The following FGFRL1 variants were observed in gnomAD, a reference collection of about 807,000 sequenced individuals.
FGFRL1 encodes the protein fibroblast growth factor receptor like 1, also known as fibroblast growth factor receptor-like 1.
Under a neutral mutation model 36.8 loss-of-function variants are expected in FGFRL1, and 24 were observed. That is an observed-to-expected ratio of 0.65 (90% CI 0.47 to 0.92). The LOEUF is 0.92. Ranked by LOEUF, FGFRL1 falls within the 40% of genes least tolerant of loss-of-function variation. The pLI is 0.00. For synonymous variants in FGFRL1, 422 were observed against 344.1 expected, an observed-to-expected ratio of 1.23 and a Z score of -2.50; for missense variants, 785 against 753.4, an observed-to-expected ratio of 1.04 and a Z score of -0.49.
intron 2 of FGFRL1, among the ~76,000 whole-genome samples, chr4:1,015,930 C>T (rs1278631634): frequency 6.6e-6 from 1 of 152,254 alleles, no homozygotes. Context: ...CAGTACCATG[C>T]ACCAGGGTGC....
At position 1,025,458 on chromosome 4, in the gene FGFRL1, C is replaced by T. The variant is rs1716467930; in HGVS notation, c.*111C>T. ...GGGGACCCATGGCGAGGAGGAATGGCCAGCACCCCAGGCAGTCTGTGTGTG... is the reference window on the plus strand; with the variant it reads ...GGGGACCCATGGCGAGGAGGAATGGTCAGCACCCCAGGCAGTCTGTGTGTG... On this transcript the variant is annotated 3_prime_UTR_variant, in exon 7 of 7. Transcript: ENST00000510644. 3 of 1,307,666 alleles carry T rather than the reference C, an allele frequency of 2.3e-6. No individual in the cohort carries two copies. In the East Asian group the frequency reaches 7.6e-5, roughly 33 times the overall value. The allele number at this position is 1,307,666 out of a possible 1,614,324, so 81.0% of individuals were successfully genotyped here.
chr4:1,022,020 T>C (rs1048454779), intron 2 of FGFRL1, among the ~76,000 whole-genome samples, 183 bp from the exon 3 acceptor site: 1 of 152,164 alleles, frequency 6.6e-6, no homozygotes, highest in Non-Finnish European at 1.5e-5. Flanking sequence ...CTTTGGTGCA[T>C]GTGGGCAGCT....
At position 1,012,481 on chromosome 4, in the gene FGFRL1, C is replaced by T. The variant is rs763187872; in HGVS notation, c.-5C>T. 9.5e-6 allele frequency: 15 copies of T among 1,575,092 alleles called. No individual in the cohort carries two copies. The highest frequency in any genetic ancestry group is 1.1e-5 in the South Asian group (1 of 87,814). ...CCCAATGTCCCCAGGTCCGGACAGGCCGAGATGACGCCGAGCCCCCTGTTG... is the reference window on the plus strand; with the variant it reads ...CCCAATGTCCCCAGGTCCGGACAGGTCGAGATGACGCCGAGCCCCCTGTTG... On this transcript the variant is annotated 5_prime_UTR_variant, in exon 2 of 7. Coordinates refer to ENST00000510644, the MANE Select transcript of FGFRL1 (RefSeq NM_001004356.3).
At chr4:1,024,867 C>T (rs765771998) in intron 6 of FGFRL1, 38 bp from the exon 7 acceptor site, 27 of 1,542,416 alleles carry the variant, frequency 1.8e-5, no homozygotes, top group Middle Eastern at 4.7e-4. Flanking sequence ...TTTGTGTCGG[C>T]GTTCCCCTCC....
chr4:1,025,575 A>G lies in FGFRL1; in HGVS notation c.*228A>G. The G allele has an allele frequency of 4.9e-6, 3 of 609,578 alleles. No homozygotes were observed. The highest frequency in any genetic ancestry group is 3.2e-5 in the Admixed American group (1 of 31,190). The allele number at this position is 609,578 out of a possible 1,614,324, so 37.8% of individuals were successfully genotyped here. The stretch of plus-strand genomic sequence containing the variant: ...GCGCGCACACGTGCTCCCTGAAGGC[A>G]CACGTACGCACACACGCACATGCAC... On this transcript the variant is annotated 3_prime_UTR_variant, in exon 7 of 7. Coordinates refer to ENST00000510644, the MANE Select transcript of FGFRL1 (RefSeq NM_001004356.3).
Position 1,026,712 on chromosome 4 carries a change from T to C in FGFRL1, c.*1365T>C. 5.1e-6 allele frequency: 2 copies of C among 391,472 alleles called. No homozygotes were observed. Among genetic ancestry groups the C allele is most frequent in the Non-Finnish European group, 1.0e-5 (2 of 196,464 alleles). The allele number at this position is 391,472 out of a possible 1,614,324, so 24.2% of individuals were successfully genotyped here. A position where few individuals can be genotyped will look rare whatever the true frequency, so the allele number is the denominator to read the frequency against. On this transcript the variant is annotated 3_prime_UTR_variant, in exon 7 of 7. Coordinates refer to ENST00000510644, the MANE Select transcript of FGFRL1 (RefSeq NM_001004356.3). Reference sequence around the variant, plus strand: ...ACTGGGTTGCAGGGACTGTGGTCTCTCCTGGGGCCCGGGACCCGCCTGGTC... The same window carrying C: ...ACTGGGTTGCAGGGACTGTGGTCTCCCCTGGGGCCCGGGACCCGCCTGGTC...
Position 1,024,022 on chromosome 4 carries a change from G to A in FGFRL1, c.639G>A (p.Pro213=), listed in dbSNP as rs752117207. The change falls in exon 5 of 7, where the codon CCG becomes CCA. Residue 213 remains proline, a synonymous_variant. Transcript: ENST00000510644. ...CACTGAGCCTGAAGAACCTGCGGCC[G>A]GAGGACAGCGGCAAATACACCTGCC... is the stretch of plus-strand genomic sequence containing the variant. The part of the protein sequence containing the change: ...KWTLSLKNLR[P]EDSGKYTCRV... 374 of 1,607,376 alleles carry A rather than the reference G, an allele frequency of 2.3e-4. No individual in the cohort carries two copies. Among genetic ancestry groups the A allele is most frequent in the Non-Finnish European group, 3.0e-4 (355 of 1,178,672 alleles).
rs763277398 is a variant in FGFRL1, at chr4:1,023,754, C to G, written c.433+33C>G. The stretch of plus-strand genomic sequence containing the variant: ...GGGGGTGACGGGGGTGGGGGGCGTC[C>G]GTCTGTCCCGGCCCCTTGGCTGCAT... On this transcript the variant is annotated intron_variant, in intron 4 of 6. Coordinates refer to ENST00000510644, the MANE Select transcript of FGFRL1 (RefSeq NM_001004356.3). The surrounding 1 kb of genome is among the most constrained non-coding windows in gnomAD (Gnocchi z 6.0). The G allele has an allele frequency of 8.4e-6, 13 of 1,549,436 alleles. No individual in the cohort carries two copies. The East Asian group carries it at 2.8e-4, about 34-fold the overall frequency.
intron 2 of FGFRL1, among the ~76,000 whole-genome samples, chr4:1,021,423 C>A (rs148569571): frequency 0.021 from 3,145 of 152,168 alleles, 117 homozygotes; most frequent in African/African-American, 0.071. Context: ...GCCCGAGCTA[C>A]GTCTCTCCAG....
intron 5 of FGFRL1, 99 bp downstream of exon 5, chr4:1,024,200 C>A: frequency 1.2e-6 from 1 of 816,622 alleles, no homozygotes; most frequent in Non-Finnish European, 1.7e-6. Flanking sequence ...TGGGCGGGGG[C>A]ACTGGCAGGG....
chr4:1,013,305 C>T (rs927260171), intron 2 of FGFRL1, among the ~76,000 whole-genome samples: 1 of 152,274 alleles, frequency 6.6e-6, no homozygotes, highest in Admixed American at 6.5e-5. Flanking sequence ...TTCCAGGATC[C>T]GGGCACAGCG....
chr4:1,024,206 C>G, intron 5 of FGFRL1, 105 bp downstream of exon 5: 1 of 284,756 alleles, frequency 3.5e-6, no homozygotes, highest in Non-Finnish European at 5.3e-6. Context: ...GGGGCACTGG[C>G]AGGGCTTGGG....
chr4:1,018,077 G>A (rs1257400711), intron 2 of FGFRL1, among the ~76,000 whole-genome samples: 1 of 152,200 alleles, frequency 6.6e-6, no homozygotes, highest in Non-Finnish European at 1.5e-5. Context: ...CACTTCAGAT[G>A]GGGCAGGTGT....
chr4:1,018,144 C>T (rs964058780), intron 2 of FGFRL1, among the ~76,000 whole-genome samples: 3 of 152,154 alleles, frequency 2.0e-5, no homozygotes, highest in African/African-American at 7.2e-5. Context: ...GCAGGGGGTT[C>T]CTGCCTCCGT....
At position 1,026,851 on chromosome 4, in the gene FGFRL1, T is replaced by C; in HGVS notation, c.*1504T>C. Reference sequence around the variant, plus strand: ...ATGTAGAGTTTGAGCTGAAGCCCCGTATATTTAATTTATTTTGTTAAACAT... The same window carrying C: ...ATGTAGAGTTTGAGCTGAAGCCCCGCATATTTAATTTATTTTGTTAAACAT... On this transcript the variant is annotated 3_prime_UTR_variant, in exon 7 of 7. Coordinates refer to ENST00000510644, the MANE Select transcript of FGFRL1 (RefSeq NM_001004356.3). 2 of 454,856 alleles carry C rather than the reference T, an allele frequency of 4.4e-6. No individual in the cohort carries two copies. Among genetic ancestry groups the C allele is most frequent in the Non-Finnish European group, 4.4e-6 (1 of 226,200 alleles). 28.2% of individuals were successfully genotyped at this position (454,856 alleles called of 1,614,324 possible).
intron 6 of FGFRL1, 84 bp downstream of exon 6, chr4:1,024,748 C>A: frequency 6.9e-7 from 1 of 1,443,750 alleles, no homozygotes; most frequent in East Asian, 2.4e-5. Flanking sequence ...CGGGTGGGGC[C>A]CCACCCTTCC....
chr4:1,014,172 T>C (rs1356577881), intron 2 of FGFRL1, among the ~76,000 whole-genome samples: 1 of 152,166 alleles, frequency 6.6e-6, no homozygotes, highest in Non-Finnish European at 1.5e-5. Flanking sequence ...TCCCGCTGGG[T>C]CATAAGTTCT....
At chr4:1,015,605 G>A (rs1480421359) in intron 2 of FGFRL1, among the ~76,000 whole-genome samples, 1 of 152,242 alleles carries the variant, frequency 6.6e-6, no homozygotes, top group Non-Finnish European at 1.5e-5. Context: ...GTGGGGCAGG[G>A]GGGTGCTGCC....
At chr4:1,022,066 C>G (rs1340640215) in intron 2 of FGFRL1, 137 bp from the exon 3 acceptor site, 6 of 646,790 alleles carry the variant, frequency 9.3e-6, no homozygotes, top group East Asian at 3.1e-5. Flanking sequence ...CTCGGCCCCT[C>G]TGCTCATCTT....
Sources: gnomAD v4.1 joint callset for allele counts (sites outside exome capture counted in the v4.1 genomes callset) on GRCh38, gnomAD v4.1.1 for gene constraint, Gnocchi (gnomAD v3.1) non-coding constraint, MANE v1.5 for transcripts, NCBI Gene and HGNC (gene_info 2026-07-23, HGNC 2026-07-21) for gene names.